The following PCDHGA11 variants were observed in gnomAD, a reference collection of about 807,000 sequenced individuals.
PCDHGA11 encodes protocadherin gamma subfamily A, 11.
A neutral mutation model predicts 60.4 loss-of-function variants in PCDHGA11; 39 were observed. That is an observed-to-expected ratio of 0.65 (90% CI 0.50 to 0.84). PCDHGA11 has a LOEUF of 0.84. Among genes scored for constraint, PCDHGA11 ranks in the 40% least tolerant of loss-of-function variants. The pLI, the probability that PCDHGA11 is intolerant of heterozygous loss-of-function variation, is 0.00. For missense variants in PCDHGA11, 1,165 were observed against 1,197.7 expected (o/e 0.97, Z 0.40); for synonymous variants, 533 against 510.3 (o/e 1.04, Z -0.60).
chr5:141,427,096 T>A, intron 1 of PCDHGA11: 1 of 458,056 alleles, frequency 2.2e-6, no homozygotes, highest in Non-Finnish European at 4.4e-6. Flanking sequence ...GATGAGGGTG[T>A]CAATGCGGAG....
chr5:141,421,945 A>T lies in PCDHGA11; in HGVS notation c.718A>T (p.Ile240Phe). 4 of 1,613,342 alleles carry T rather than the reference A, an allele frequency of 2.5e-6. No homozygotes were observed. Among genetic ancestry groups the T allele is most frequent in the Non-Finnish European group, 3.4e-6 (4 of 1,179,660 alleles). ...GGTGGTCCTCGATGTAAATGATCAC[A>T]TCCCAATGTTTACACAGTCCGTATA... Reference protein sequence around the residue: ...RVVVLDVNDHIPMFTQSVYRV... With the variant: ...RVVVLDVNDHFPMFTQSVYRV... Residue 240 changes from isoleucine to phenylalanine, a missense_variant, in exon 1 of 4, where the codon ATC becomes TTC. Ile to Phe is a conservative substitution (Grantham distance 21). Transcript: ENST00000398587.
intron 2 of PCDHGA11, among the ~76,000 whole-genome samples, chr5:141,500,695 T>G (rs1214079801): frequency 1.3e-5 from 2 of 152,214 alleles, no homozygotes; most frequent in Admixed American, 6.5e-5. Flanking sequence ...TTTTTCTTCT[T>G]TGCAGTGTAT....
chr5:141,422,789 TC>T lies in PCDHGA11; in HGVS notation c.1563del (p.Phe521LeufsTer9), dbSNP rs1561803924. The stretch of plus-strand genomic sequence containing the variant: ...GGTGTTCTCTATGCCCTACAATCCT[TC>T]GACTATGAGCAGTTTCGAGACTTAG... ...NTGVLYALQS[F>X]DYEQFRDLEL... On this transcript the variant is annotated frameshift_variant, in exon 1 of 4. Transcript: ENST00000398587. LOFTEE classifies it high-confidence loss of function. 44 of 1,614,158 alleles carry T rather than the reference TC, an allele frequency of 2.7e-5. No homozygotes were observed. Among genetic ancestry groups the T allele is most frequent in the Non-Finnish European group, 3.6e-5 (43 of 1,180,008 alleles).
intron 1 of PCDHGA11, among the ~76,000 whole-genome samples, chr5:141,445,441 C>T (rs1201825256): frequency 6.6e-6 from 1 of 152,152 alleles, no homozygotes; most frequent in Admixed American, 6.6e-5. Context: ...GACCTATGGA[C>T]TAAGGATGCA....
chr5:141,494,923 G>A lies in PCDHGA11; in HGVS notation c.2492+58G>A, dbSNP rs572227346. Reference sequence around the variant, plus strand: ...TCTGCGGCATTTTCTCAGGGATGACGTGGGAGGAGATGGGGGAGGGCCCAG... The same window carrying A: ...TCTGCGGCATTTTCTCAGGGATGACATGGGAGGAGATGGGGGAGGGCCCAG... On this transcript the variant is annotated intron_variant, in intron 2 of 3. Coordinates refer to ENST00000398587, the MANE Select transcript of PCDHGA11 (RefSeq NM_018914.3). The A allele has an allele frequency of 8.9e-5, 143 of 1,613,698 alleles. 1 individual carries two copies. In the Middle Eastern group the frequency reaches 1.8e-3, roughly 20 times the overall value.
chr5:141,485,245 G>C lies in PCDHGA11; in HGVS notation c.2434-9562G>C. 1 of 1,614,188 alleles carries C rather than the reference G, an allele frequency of 6.2e-7. No individual in the cohort carries two copies. Among genetic ancestry groups the C allele is most frequent in the Non-Finnish European group, 8.5e-7 (1 of 1,180,008 alleles). On this transcript the variant is annotated intron_variant, in intron 1 of 3. Coordinates refer to ENST00000398587, the MANE Select transcript of PCDHGA11 (RefSeq NM_018914.3). This position sits in a 1 kb window ranked among gnomAD's most constrained non-coding sequence, Gnocchi z 5.7. The stretch of plus-strand genomic sequence containing the variant: ...CCCTTTTGTTCCTCTTTTACCACCT[G>C]GGTTACGTTTGTGGGCAGATCCGCT...
At chr5:141,433,699 T>C (rs2097645911) in intron 1 of PCDHGA11, among the ~76,000 whole-genome samples, 1 of 152,082 alleles carries the variant, frequency 6.6e-6, no homozygotes, top group Non-Finnish European at 1.5e-5. Flanking sequence ...TAGCCGGGCG[T>C]GGTGGTGCAT....
At chr5:141,495,255 G>A (rs1055329757) in intron 2 of PCDHGA11, among the ~76,000 whole-genome samples, 5 of 152,212 alleles carry the variant, frequency 3.3e-5, no homozygotes, top group African/African-American at 1.2e-4. Flanking sequence ...GGCTCAGGCA[G>A]AAAAGCATTT....
At chr5:141,433,124 G>T in intron 1 of PCDHGA11, 5 of 1,614,136 alleles carry the variant, frequency 3.1e-6, no homozygotes, top group Non-Finnish European at 4.2e-6. Context: ...TGAAAAAAGC[G>T]AGCCCCTTTT....
chr5:141,432,707 G>T lies in PCDHGA11; in HGVS notation c.2433+9047G>T. The T allele has an allele frequency of 6.2e-7, 1 of 1,613,988 alleles. No homozygotes were observed. The highest frequency in any genetic ancestry group is 1.1e-5 in the South Asian group (1 of 91,080). ...CCTCGTAGTGGCCGTCCAGGACCAC[G>T]GCCAGCCCCCTCTCTCCGCCACTGT... On this transcript the variant is annotated intron_variant, in intron 1 of 3. Transcript: ENST00000398587. The surrounding 1 kb of genome is among the most constrained non-coding windows in gnomAD (Gnocchi z 6.0).
chr5:141,476,018 A>G lies in PCDHGA11; in HGVS notation c.2434-18789A>G. 7.3e-7 allele frequency: 1 copy of G among 1,371,412 alleles called. No homozygotes were observed. Among genetic ancestry groups the G allele is most frequent in the African/African-American group, 1.4e-5 (1 of 69,226 alleles). The allele number at this position is 1,371,412 out of a possible 1,614,324, so 85.0% of individuals were successfully genotyped here. A position where few individuals can be genotyped will look rare whatever the true frequency, so the allele number is the denominator to read the frequency against. The stretch of plus-strand genomic sequence containing the variant: ...AACGGCATCCAGAAAGCCATGTCGG[A>G]CTCGGCGCCCAGCGCCCAAGCGCTA... On this transcript the variant is annotated intron_variant, in intron 1 of 3. Coordinates refer to ENST00000398587, the MANE Select transcript of PCDHGA11 (RefSeq NM_018914.3). This position sits in a 1 kb window ranked among gnomAD's most constrained non-coding sequence, Gnocchi z 7.6.
At position 141,487,398 on chromosome 5, in the gene PCDHGA11, G is replaced by A. The variant is rs1342197934; in HGVS notation, c.2434-7409G>A. 1.9e-6 allele frequency: 3 copies of A among 1,613,926 alleles called. No individual in the cohort carries two copies. The African/African-American group carries it at 4.0e-5, about 22-fold the overall frequency. ...CTCACCAGATCTCGAAGGAGGGAGGGGCTTCCCCCTTCCAATGGGATCCTC... is the reference window on the plus strand; with the variant it reads ...CTCACCAGATCTCGAAGGAGGGAGGAGCTTCCCCCTTCCAATGGGATCCTC... On this transcript the variant is annotated intron_variant, in intron 1 of 3. Transcript: ENST00000398587. The surrounding 1 kb of genome is among the most constrained non-coding windows in gnomAD (Gnocchi z 5.0).
chr5:141,438,063 A>T (rs540817874), intron 1 of PCDHGA11, among the ~76,000 whole-genome samples: 1 of 152,106 alleles, frequency 6.6e-6, no homozygotes, highest in Non-Finnish European at 1.5e-5. Context: ...CTTTTAAGAA[A>T]CCATACTTAA....
At chr5:141,480,021 C>T (rs1415230863) in intron 1 of PCDHGA11, among the ~76,000 whole-genome samples, 2 of 152,208 alleles carry the variant, frequency 1.3e-5, no homozygotes, top group East Asian at 3.8e-4. Flanking sequence ...AATCTCCTTT[C>T]TAAGCCTCTT....
chr5:141,491,857 G>A lies in PCDHGA11; in HGVS notation c.2434-2950G>A. Reference sequence around the variant, plus strand: ...CTCGGGATCATTGGACCGTTTGCGCGAAACCAGAGTGGCCGATTAAGGGAT... The same window carrying A: ...CTCGGGATCATTGGACCGTTTGCGCAAAACCAGAGTGGCCGATTAAGGGAT... On this transcript the variant is annotated intron_variant, in intron 1 of 3. Transcript: ENST00000398587. This position sits in a 1 kb window ranked among gnomAD's most constrained non-coding sequence, Gnocchi z 6.9. The A allele has an allele frequency of 6.9e-7, 1 of 1,457,470 alleles. No homozygotes were observed. The highest frequency in any genetic ancestry group is 1.5e-5 in the South Asian group (1 of 68,508). The allele number at this position is 1,457,470 out of a possible 1,614,324, so 90.3% of individuals were successfully genotyped here. A position where few individuals can be genotyped will look rare whatever the true frequency, so the allele number is the denominator to read the frequency against.
chr5:141,431,731 T>G lies in PCDHGA11; in HGVS notation c.2433+8071T>G. 6.2e-7 allele frequency: 1 copy of G among 1,614,210 alleles called. No homozygotes were observed. The highest frequency in any genetic ancestry group is 8.5e-7 in the Non-Finnish European group (1 of 1,180,034). Reference sequence around the variant, plus strand: ...AGATGGAAGTGCAAGCAATGGATAATGCAGGATATTCTGCGCGAGCCAAAG... The same window carrying G: ...AGATGGAAGTGCAAGCAATGGATAAGGCAGGATATTCTGCGCGAGCCAAAG... On this transcript the variant is annotated intron_variant, in intron 1 of 3. Coordinates refer to ENST00000398587, the MANE Select transcript of PCDHGA11 (RefSeq NM_018914.3). The surrounding 1 kb of genome is among the most constrained non-coding windows in gnomAD (Gnocchi z 4.8).
chr5:141,496,523 G>T (rs1159517569), intron 2 of PCDHGA11, among the ~76,000 whole-genome samples: 1 of 152,128 alleles, frequency 6.6e-6, no homozygotes, highest in Non-Finnish European at 1.5e-5. Context: ...GGAGCCCTTG[G>T]TGTATGGCAG....
chr5:141,458,018 A>G (rs1361716104), intron 1 of PCDHGA11, among the ~76,000 whole-genome samples: 1 of 152,188 alleles, frequency 6.6e-6, no homozygotes, highest in Admixed American at 6.5e-5. Flanking sequence ...GGTTTTTCCA[A>G]TTGTGTTCTG....
At chr5:141,429,542 A>G (rs1484411621) in intron 1 of PCDHGA11, among the ~76,000 whole-genome samples, 3 of 152,188 alleles carry the variant, frequency 2.0e-5, no homozygotes, top group African/African-American at 7.2e-5. Context: ...AAATAAGAAC[A>G]TGGTAATGAT....
Sources: gnomAD v4.1 joint callset for allele counts (sites outside exome capture counted in the v4.1 genomes callset) on GRCh38, gnomAD v4.1.1 for gene constraint, Gnocchi (gnomAD v3.1) non-coding constraint, MANE v1.5 for transcripts, NCBI Gene and HGNC (gene_info 2026-07-23, HGNC 2026-07-21) for gene names.